The following ZNF521 variants were observed in gnomAD, a reference collection of about 807,000 sequenced individuals.
ZNF521 encodes LYST-interacting protein 3.
ZNF521 carries 14 observed loss-of-function variants against 105.5 expected under a neutral mutation model. The observed-to-expected ratio is 0.13, with a 90% CI of 0.09 to 0.21. ZNF521 has a LOEUF of 0.21. ZNF521 is among the 10% of genes least tolerant of loss of function. The pLI is 1.00. For synonymous variants in ZNF521, 635 were observed against 606.0 expected (o/e 1.05, Z -0.70); for missense variants, 1,233 against 1,629.7 (o/e 0.76, Z 4.19).
At chr18:25,277,571 G>A (rs1910115447) in intron 3 of ZNF521, among the ~76,000 whole-genome samples, 2 of 152,206 alleles carry the variant, frequency 1.3e-5, no homozygotes, top group African/African-American at 4.8e-5. Context: ...CAAAGGCTCA[G>A]TGGAAGAATG....
At chr18:25,272,719 A>G (rs944645648) in intron 3 of ZNF521, among the ~76,000 whole-genome samples, 1 of 151,976 alleles carries the variant, frequency 6.6e-6, no homozygotes, top group African/African-American at 2.4e-5. Context: ...CAATGAGGAC[A>G]CAGGGATACA....
intron 3 of ZNF521, among the ~76,000 whole-genome samples, chr18:25,246,851 C>T (rs1907758101): frequency 6.6e-6 from 1 of 152,206 alleles, no homozygotes; most frequent in Non-Finnish European, 1.5e-5. Flanking sequence ...GCTGTGGTCA[C>T]ATGACCTTGT....
At chr18:25,131,184 C>A (rs1472394299) in intron 5 of ZNF521, among the ~76,000 whole-genome samples, 2 of 152,028 alleles carry the variant, frequency 1.3e-5, no homozygotes. Context: ...GCCAGAATGA[C>A]CCTGTTACAA....
chr18:25,219,855 T>C (rs1044676736), intron 4 of ZNF521, among the ~76,000 whole-genome samples: 2 of 152,184 alleles, frequency 1.3e-5, no homozygotes, highest in Non-Finnish European at 2.9e-5. Context: ...ATTAGCTTCA[T>C]TGAGGTGTAA....
At chr18:25,175,365 A>T (rs2035519857) in intron 5 of ZNF521, among the ~76,000 whole-genome samples, 1 of 152,218 alleles carries the variant, frequency 6.6e-6, no homozygotes, top group African/African-American at 2.4e-5. Context: ...TGGCAAAATT[A>T]GGACTTTATA....
intron 4 of ZNF521, among the ~76,000 whole-genome samples, chr18:25,199,387 A>G (rs1476890380): frequency 6.6e-6 from 1 of 151,926 alleles, no homozygotes; most frequent in African/African-American, 2.4e-5. Flanking sequence ...GGAAACAGCT[A>G]TAAGAAGGCT....
At chr18:25,109,793 ATTGT>A (rs1349666412) in intron 5 of ZNF521, among the ~76,000 whole-genome samples, 3 of 151,822 alleles carry the variant, frequency 2.0e-5, no homozygotes, top group Admixed American at 2.0e-4. Flanking sequence ...TTTTAATGGA[ATTGT>A]TTGTTTTTTT....
intron 3 of ZNF521, among the ~76,000 whole-genome samples, chr18:25,241,491 A>ATT (rs201172959): frequency 6.6e-6 from 1 of 152,028 alleles, no homozygotes; most frequent in Admixed American, 6.6e-5. Flanking sequence ...ATGCTCGCTG[A>ATT]TTTTTTTTAA....
chr18:25,246,271 G>T (rs1463847942), intron 3 of ZNF521, among the ~76,000 whole-genome samples: 2 of 151,934 alleles, frequency 1.3e-5, no homozygotes, highest in Non-Finnish European at 2.9e-5. Context: ...TGATCTTTAT[G>T]AAAAAAAGCT....
intron 4 of ZNF521, among the ~76,000 whole-genome samples, chr18:25,211,358 G>A (rs1344731144): frequency 6.6e-6 from 1 of 152,110 alleles, no homozygotes; most frequent in Non-Finnish European, 1.5e-5. Flanking sequence ...ATAGAGCATT[G>A]ATAACATAGG....
chr18:25,087,887 T>G (rs934232465), intron 7 of ZNF521, among the ~76,000 whole-genome samples: 2 of 152,230 alleles, frequency 1.3e-5, no homozygotes, highest in Non-Finnish European at 2.9e-5. Flanking sequence ...ATTTTGTATT[T>G]CATCTCCTTA....
intron 5 of ZNF521, among the ~76,000 whole-genome samples, chr18:25,190,109 G>C (rs530632246): frequency 2.0e-5 from 3 of 152,040 alleles, no homozygotes; most frequent in African/African-American, 7.2e-5. Flanking sequence ...CCCACATGAG[G>C]GTAGCTTTCT....
At chr18:25,067,664 A>C (rs1348877240) in intron 7 of ZNF521, among the ~76,000 whole-genome samples, 1 of 152,224 alleles carries the variant, frequency 6.6e-6, no homozygotes, top group African/African-American at 2.4e-5. Flanking sequence ...TCTTGATGTA[A>C]ATTTGAATTT....
In ZNF521 at chr18:25,327,526, T is replaced by C. The variant is rs192251526; in HGVS notation, c.41-5339A>G. The stretch of plus-strand genomic sequence containing the variant: ...CTCCTCCCCTACAAGTATGTTCAAA[T>C]CCTAATCCCTGATTTATGTTTATAC... On this transcript the variant is annotated intron_variant, in intron 2 of 7. Transcript: ENST00000361524. The C allele has an allele frequency of 1.9e-4, 137 of 735,314 alleles. No homozygotes were observed. The African/African-American group carries it at 2.4e-3, about 13-fold the overall frequency. 45.5% of individuals were successfully genotyped at this position (735,314 alleles called of 1,614,324 possible).
In ZNF521 at chr18:25,227,048, G is replaced by A. The variant is rs766541886; in HGVS notation, c.870C>T (p.Phe290=). 36 of 1,613,972 alleles carry A rather than the reference G, an allele frequency of 2.2e-5. No homozygotes were observed. In the Admixed American group the frequency reaches 3.0e-4, roughly 13 times the overall value. The change falls in exon 4 of 8, where the codon TTC becomes TTT. Residue 290 remains phenylalanine (F), a synonymous_variant. Coordinates refer to ENST00000361524, the MANE Select transcript of ZNF521 (RefSeq NM_015461.3). The surrounding 1 kb of genome is among the most constrained non-coding windows in gnomAD (Gnocchi z 5.7). ...GGTTCATGAGGGAGGTCTCCTCTAC[G>A]AAGAGCTCGTGGCAGTAGACACACT... ...ALQCVYCHEL[F]VEETSLMNHM...
intron 3 of ZNF521, among the ~76,000 whole-genome samples, chr18:25,270,354 G>A (rs904088620): frequency 6.6e-6 from 1 of 152,160 alleles, no homozygotes; most frequent in Non-Finnish European, 1.5e-5. Context: ...GGTACAAAGA[G>A]GAGCTGGTAC....
At chr18:25,331,086 C>CTG (rs1568082578) in intron 2 of ZNF521, among the ~76,000 whole-genome samples, 11 of 152,152 alleles carry the variant, frequency 7.2e-5, no homozygotes, top group Admixed American at 5.2e-4. Context: ...CTCACTCTTC[C>CTG]AACTACCCTG....
At chr18:25,216,787 C>A (rs919371670) in intron 4 of ZNF521, among the ~76,000 whole-genome samples, 1 of 152,144 alleles carries the variant, frequency 6.6e-6, no homozygotes, top group East Asian at 1.9e-4. Flanking sequence ...AAACTCCTGG[C>A]CTCAATGATC....
At chr18:25,234,869 T>G (rs979299725) in intron 3 of ZNF521, among the ~76,000 whole-genome samples, 1 of 152,040 alleles carries the variant, frequency 6.6e-6, no homozygotes, top group African/African-American at 2.4e-5. Context: ...GAACTACTAT[T>G]TAACAATATT....
Sources: gnomAD v4.1 joint callset for allele counts (sites outside exome capture counted in the v4.1 genomes callset) on GRCh38, gnomAD v4.1.1 for gene constraint, Gnocchi (gnomAD v3.1) non-coding constraint, MANE v1.5 for transcripts, NCBI Gene and HGNC (gene_info 2026-07-23, HGNC 2026-07-21) for gene names.